The following ZNF235 variants were observed in gnomAD, a reference collection of about 807,000 sequenced individuals.
ZNF235 encodes zfp-93.
Under a neutral mutation model 29.4 loss-of-function variants are expected in ZNF235, and 25 were observed. The observed-to-expected ratio is 0.85, with a 90% CI of 0.62 to 1.19. The LOEUF is 1.19. Among genes scored for constraint, ZNF235 ranks in the 50% most tolerant of loss-of-function variants. The pLI is 0.00. For synonymous variants in ZNF235, 300 were observed against 295.3 expected (o/e 1.02, Z -0.16); for missense variants, 788 against 885.0 (o/e 0.89, Z 1.39).
intron 4 of ZNF235, among the ~76,000 whole-genome samples, chr19:44,292,855 C>A (rs1322813323): frequency 6.6e-6 from 1 of 151,998 alleles, no homozygotes. Flanking sequence ...AGTGTTTAGT[C>A]ACCTATAAAG....
intron 4 of ZNF235, among the ~76,000 whole-genome samples, chr19:44,294,974 T>C (rs1400564699): frequency 2.0e-5 from 3 of 151,918 alleles, no homozygotes; most frequent in African/African-American, 7.2e-5. Flanking sequence ...AACCCATAGG[T>C]AACATACTGA....
Position 44,288,062 on chromosome 19 carries a change from G to A in ZNF235, c.1373C>T (p.Pro458Leu). 1 of 1,614,032 alleles carries A rather than the reference G, an allele frequency of 6.2e-7. No homozygotes were observed. The highest frequency in any genetic ancestry group is 8.5e-7 in the Non-Finnish European group (1 of 1,180,012). Residue 458 changes from proline to leucine, a missense_variant, in exon 5 of 5, where the codon CCA (proline) becomes CTA (leucine). Physicochemically the swap from Pro to Leu is moderately conservative, Grantham distance 98. Coordinates refer to ENST00000291182, the MANE Select transcript of ZNF235 (RefSeq NM_004234.4). Reference protein sequence around the residue: ...THQRVHTEEKPYKCDECGKCF... With the variant: ...THQRVHTEEKLYKCDECGKCF... Reference sequence around the variant, plus strand: ...CTTACCACACTCATCACATTTGTATGGTTTTTCTTCAGTGTGGACTCTCTG... The same window carrying A: ...CTTACCACACTCATCACATTTGTATAGTTTTTCTTCAGTGTGGACTCTCTG...
rs1975496198 is a variant in ZNF235 at position 44,287,114 on chromosome 19, G to C, written c.*104C>G. On this transcript the variant is annotated 3_prime_UTR_variant, in exon 5 of 5. Transcript: ENST00000291182. Reference sequence around the variant, plus strand: ...GACTTCTTTCCTGTCAAGATTCTTTGAAGCTTCTAGTTTTAAAGGAACTTT... The same window carrying C: ...GACTTCTTTCCTGTCAAGATTCTTTCAAGCTTCTAGTTTTAAAGGAACTTT... The C allele has an allele frequency of 1.7e-6, 2 of 1,208,768 alleles. No homozygotes were observed. The highest frequency in any genetic ancestry group is 2.3e-6 in the Non-Finnish European group (2 of 879,474). 74.9% of individuals were successfully genotyped at this position (1,208,768 alleles called of 1,614,324 possible).
chr19:44,300,610 C>T (rs1046904941), intron 2 of ZNF235, among the ~76,000 whole-genome samples: 3 of 151,898 alleles, frequency 2.0e-5, no homozygotes, highest in African/African-American at 4.8e-5. Flanking sequence ...GAGGTCGAGA[C>T]GGGCAGATCA....
In ZNF235 at chr19:44,287,582, T is replaced by C. The variant is rs2123088045; in HGVS notation, c.1853A>G (p.Gln618Arg). The change falls in exon 5 of 5, where the codon CAG becomes CGG. Residue 618 changes from glutamine to arginine, a missense_variant. Coordinates refer to ENST00000291182, the MANE Select transcript of ZNF235 (RefSeq NM_004234.4). ...TGGTTTCTCTCCGGTGTGGACTCTC[T>C]GATGGGCTTGAAGGTGTGAGGCCTG... The part of the protein sequence containing the change: ...FSQASHLQAH[Q>R]RVHTGEKPYK... 1.2e-6 allele frequency: 2 copies of C among 1,614,216 alleles called. No homozygotes were observed. The highest frequency in any genetic ancestry group is 1.7e-6 in the Non-Finnish European group (2 of 1,180,028).
intron 4 of ZNF235, among the ~76,000 whole-genome samples, chr19:44,295,173 T>C (rs1975637758): frequency 1.3e-5 from 2 of 152,072 alleles, no homozygotes; most frequent in Admixed American, 6.6e-5. Context: ...CAATCTGATC[T>C]TATACCTACA....
At position 44,299,610 on chromosome 19, in the gene ZNF235, T is replaced by C. The variant is rs1178739578; in HGVS notation, c.138A>G (p.Ser46=). 3.1e-6 allele frequency: 5 copies of C among 1,613,936 alleles called. No individual in the cohort carries two copies. Among genetic ancestry groups the C allele is most frequent in the Non-Finnish European group, 3.4e-6 (4 of 1,179,928 alleles). Residue 46 remains serine (S), a synonymous_variant, in exon 3 of 5, where the codon TCA becomes TCG. Coordinates refer to ENST00000291182, the MANE Select transcript of ZNF235 (RefSeq NM_004234.4). ...VMLENFRNLV[S]VGHQSFKPDM... The stretch of plus-strand genomic sequence containing the variant: ...ACAGAGGGTGCCTGTCCTTACCCAC[T>C]GAAACCAGGTTCCTAAAGTTCTCCA...
At chr19:44,300,722 C>A (rs1312810616) in intron 2 of ZNF235, among the ~76,000 whole-genome samples, 1 of 151,820 alleles carries the variant, frequency 6.6e-6, no homozygotes, top group African/African-American at 2.4e-5. Flanking sequence ...CATCTGTAAT[C>A]CCAGCTACTC....
At chr19:44,302,858 ATACT>A (rs918954060) in intron 2 of ZNF235, among the ~76,000 whole-genome samples, 3 of 129,740 alleles carry the variant, frequency 2.3e-5, no homozygotes, top group Non-Finnish European at 3.4e-5. Context: ...GAGTAAATAT[ATACT>A]TATATATATT....
chr19:44,299,590 G>C lies in ZNF235; in HGVS notation c.142+16C>G. On this transcript the variant is annotated intron_variant, in intron 3 of 4. Coordinates refer to ENST00000291182, the MANE Select transcript of ZNF235 (RefSeq NM_004234.4). ...TTGAGAAACCCTGCTGAATTACAGA[G>C]GGTGCCTGTCCTTACCCACTGAAAC... is the stretch of plus-strand genomic sequence containing the variant. The C allele has an allele frequency of 2.5e-6, 4 of 1,612,694 alleles. No homozygotes were observed. Among genetic ancestry groups the C allele is most frequent in the Non-Finnish European group, 3.4e-6 (4 of 1,179,400 alleles).
intron 2 of ZNF235, 71 bp from the exon 3 acceptor site, chr19:44,299,803 TAG>T (rs1199871523): frequency 6.2e-7 from 1 of 1,606,772 alleles, no homozygotes; most frequent in African/African-American, 1.3e-5. Context: ...ACTCTTTCTG[TAG>T]AGTTACTATT....
intron 4 of ZNF235, among the ~76,000 whole-genome samples, chr19:44,296,223 A>G (rs1056497709): frequency 7.9e-5 from 12 of 152,212 alleles, no homozygotes; most frequent in African/African-American, 2.9e-4. Context: ...GCAAAAAATA[A>G]AAGGGAAAGA....
chr19:44,298,719 T>C, intron 4 of ZNF235, 89 bp downstream of exon 4: 1 of 1,000,948 alleles, frequency 1.0e-6, no homozygotes, highest in East Asian at 2.4e-5. Flanking sequence ...TTTAAAAAAG[T>C]CTCTCAGGTA....
chr19:44,298,974 A>G (rs1975693863), intron 3 of ZNF235, 71 bp from the exon 4 acceptor site: 1 of 1,120,746 alleles, frequency 8.9e-7, no homozygotes, highest in South Asian at 1.3e-5. Context: ...TTCCAATCAC[A>G]TGATGTAAGT....
chr19:44,298,137 A>G (rs1435404495), intron 4 of ZNF235, among the ~76,000 whole-genome samples: 1 of 152,192 alleles, frequency 6.6e-6, no homozygotes, highest in African/African-American at 2.4e-5. Flanking sequence ...AATCAATCAG[A>G]AAGACAAAGG....
chr19:44,299,131 T>C (rs1047993250), intron 3 of ZNF235, among the ~76,000 whole-genome samples: 3 of 152,190 alleles, frequency 2.0e-5, no homozygotes, highest in Non-Finnish European at 4.4e-5. Flanking sequence ...CTAATCAATA[T>C]CTGTTTTCAT....
At position 44,286,918 on chromosome 19, in the gene ZNF235, T is replaced by G. The variant is rs193234315; in HGVS notation, c.*300A>C. On this transcript the variant is annotated 3_prime_UTR_variant, in exon 5 of 5. Transcript: ENST00000291182. The stretch of plus-strand genomic sequence containing the variant: ...TTGTTAAAGGAAGGCCTCTCTCCTG[T>G]GCAGACTCCGACAAGACTTTTCTGC... The G allele has an allele frequency of 3.2e-4, 96 of 296,108 alleles. No individual in the cohort carries two copies. Among genetic ancestry groups the G allele is most frequent in the African/African-American group, 1.9e-3 (89 of 46,338 alleles). 18.3% of individuals were successfully genotyped at this position (296,108 alleles called of 1,614,324 possible).
Position 44,287,990 on chromosome 19 carries a change from G to T in ZNF235, c.1445C>A (p.Thr482Lys). The stretch of plus-strand genomic sequence containing the variant: ...TTCACATTTATATGGTTTTTCTCCT[G>T]TGTGGACTCGTTGATGACTATGAAG... ...FNLHSHQRVH[T>K]GEKPYKCEEC... Residue 482 changes from threonine (T) to lysine (K), a missense_variant, in exon 5 of 5, where the codon ACA becomes AAA. Transcript: ENST00000291182. 1 of 1,614,122 alleles carries T rather than the reference G, an allele frequency of 6.2e-7. No homozygotes were observed. Among genetic ancestry groups the T allele is most frequent in the Non-Finnish European group, 8.5e-7 (1 of 1,180,030 alleles).
intron 1 of ZNF235, 185 bp downstream of exon 1, chr19:44,304,786 C>T: frequency 1.0e-6 from 1 of 985,432 alleles, no homozygotes. Context: ...CCTCGAAGGA[C>T]GACGCGAGCC....
Sources: allele counts gnomAD v4.1 joint callset (sites outside exome capture counted in the v4.1 genomes callset), GRCh38; gene constraint gnomAD v4.1.1; transcripts MANE v1.5; gene names NCBI Gene and HGNC (gene_info 2026-07-23, HGNC 2026-07-21).